Variants in EYS observed in about 807,000 individuals in gnomAD.
EYS encodes EGF-like photoreceptor maintenance factor, also known as protein eyes shut homolog.
In EYS, 250 loss-of-function variants were observed where a neutral mutation model predicts 282.1. That is an observed-to-expected ratio of 0.89 (90% CI 0.80 to 0.98). EYS has a LOEUF of 0.98. EYS is among the 50% of genes least tolerant of loss of function. EYS has a pLI of 0.00. For missense variants in EYS, 4,016 were observed against 3,709.0 expected (o/e 1.08, Z -2.15); for synonymous variants, 1,355 against 1,282.9 (o/e 1.06, Z -1.20).
intron 1 of EYS, among the ~76,000 whole-genome samples, chr6:65,692,475 G>A (rs1769279628): frequency 6.7e-6 from 1 of 150,204 alleles, no homozygotes; most frequent in South Asian, 2.1e-4. Flanking sequence ...ATATTAATTT[G>A]AGGTACTTAG....
At chr6:63,733,957 G>A (rs1403825724) in intron 41 of EYS, among the ~76,000 whole-genome samples, 7 of 151,992 alleles carry the variant, frequency 4.6e-5, no homozygotes, top group Admixed American at 4.6e-4. Flanking sequence ...AGATAGCCAA[G>A]AACAAAAACA....
At chr6:64,899,981 T>C (rs145054025) in intron 18 of EYS, among the ~76,000 whole-genome samples, 54 of 152,234 alleles carry the variant, frequency 3.5e-4, no homozygotes, top group African/African-American at 1.1e-3. Context: ...CTTCAAACTA[T>C]ACTATAAGGA....
intron 15 of EYS, among the ~76,000 whole-genome samples, chr6:64,934,428 A>G (rs1768834527): frequency 1.3e-5 from 2 of 151,976 alleles, no homozygotes; most frequent in Admixed American, 1.3e-4. Flanking sequence ...TCAAACTCAA[A>G]GTAGAATAAA....
rs527847455 is a variant in EYS at position 64,676,871 on chromosome 6, C to G, written c.3444-50626G>C. 3.9e-5 allele frequency among the ~76,000 whole-genome samples: 6 copies of G among 152,214 alleles called. No individual in the cohort carries two copies. In the East Asian group the frequency reaches 1.2e-3, roughly 29 times the overall value. ...TCTGCTCTCAAGACCTAATCATCTC[C>G]GAAAGGTCCCACCTCTTAATACCGT... On this transcript the variant is annotated intron_variant, in intron 22 of 42. Transcript: ENST00000503581.
intron 26 of EYS, among the ~76,000 whole-genome samples, chr6:64,546,930 T>G (rs554873365): frequency 6.6e-6 from 1 of 152,252 alleles, no homozygotes; most frequent in East Asian, 1.9e-4. Context: ...TGGTGCTGTG[T>G]CCAGAATTGG....
intron 31 of EYS, among the ~76,000 whole-genome samples, chr6:64,189,897 C>CA (rs1194935217): frequency 1.3e-5 from 2 of 152,098 alleles, no homozygotes; most frequent in Non-Finnish European, 2.9e-5. Flanking sequence ...TGGTCCTTTA[C>CA]AAAAAAGTTT....
Position 65,384,362 on chromosome 6 carries a change from G to A in EYS, c.1299+24C>T, listed in dbSNP as rs866973201. On this transcript the variant is annotated intron_variant, in intron 8 of 42. Coordinates refer to ENST00000503581, the MANE Select transcript of EYS (RefSeq NM_001142800.2). ...ATTGTATTTTGAAGGGCTAACTTAT[G>A]TTGCCATGTATTAAATTACTTACTT... The A allele has an allele frequency of 3.8e-6, 5 of 1,310,950 alleles. No individual in the cohort carries two copies. The Middle Eastern group carries it at 9.1e-4, about 240-fold the overall frequency. The allele number at this position is 1,310,950 out of a possible 1,614,324, so 81.2% of individuals were successfully genotyped here.
intron 31 of EYS, among the ~76,000 whole-genome samples, chr6:64,185,081 C>T (rs1214854886): frequency 6.6e-6 from 1 of 152,046 alleles, no homozygotes; most frequent in Non-Finnish European, 1.5e-5. Context: ...CAGTGAGAAG[C>T]CATCATACAT....
At chr6:65,100,868 A>G (rs1208104571) in intron 12 of EYS, among the ~76,000 whole-genome samples, 1 of 151,000 alleles carries the variant, frequency 6.6e-6, no homozygotes, top group African/African-American at 2.4e-5. Context: ...CTTGTTTTTA[A>G]TCACTCAAGG....
At chr6:64,772,902 T>A (rs1051082555) in intron 22 of EYS, among the ~76,000 whole-genome samples, 1 of 144,926 alleles carries the variant, frequency 6.9e-6, no homozygotes, top group Admixed American at 6.8e-5. Flanking sequence ...TTCCTCAAAC[T>A]TCTTCTACAT....
chr6:63,887,231 A>G (rs1319965362), intron 35 of EYS, among the ~76,000 whole-genome samples: 1 of 152,104 alleles, frequency 6.6e-6, no homozygotes, highest in Non-Finnish European at 1.5e-5. Context: ...TTGAGCATGG[A>G]ATATAATGAG....
intron 2 of EYS, among the ~76,000 whole-genome samples, chr6:65,533,389 G>A (rs1244035909): frequency 6.6e-6 from 1 of 152,044 alleles, no homozygotes; most frequent in Non-Finnish European, 1.5e-5. Context: ...ATTCACAGCA[G>A]AATTCTACCA....
chr6:65,640,077 T>C (rs960378607), intron 1 of EYS, among the ~76,000 whole-genome samples, 185 bp from the exon 2 acceptor site: 1 of 152,200 alleles, frequency 6.6e-6, no homozygotes, highest in African/African-American at 2.4e-5. Flanking sequence ...GGTAATTAAC[T>C]TTCAAAATGG....
chr6:64,298,001 T>TAAAAAAAAAAAA (rs1769097836), intron 30 of EYS, among the ~76,000 whole-genome samples: 3 of 134,036 alleles, frequency 2.2e-5, no homozygotes, highest in Admixed American at 7.4e-5. Flanking sequence ...AAAAAAAAAT[T>TAAAAAAAAAAAA]AGGTAGAAAT....
chr6:65,409,965 A>G (rs910309864), intron 5 of EYS, among the ~76,000 whole-genome samples: 1 of 152,106 alleles, frequency 6.6e-6, no homozygotes, highest in Admixed American at 6.6e-5. Context: ...ATTTATTAAT[A>G]TATAAGCATT....
At chr6:65,089,982 T>TAC (rs113762450) in intron 12 of EYS, among the ~76,000 whole-genome samples, 57,434 of 141,050 alleles carry the variant, frequency 0.41, 11,710 homozygotes, top group East Asian at 0.6. Flanking sequence ...TATAAATAAA[T>TAC]ACACACACAC....
chr6:64,980,198 G>A (rs913328127), intron 14 of EYS, among the ~76,000 whole-genome samples: 4 of 151,360 alleles, frequency 2.6e-5, no homozygotes, highest in African/African-American at 9.7e-5. Context: ...AAATTTTATT[G>A]TTATTTCAAC....
chr6:64,416,927 C>T (rs1774075159), intron 28 of EYS, among the ~76,000 whole-genome samples: 1 of 152,086 alleles, frequency 6.6e-6, no homozygotes. Flanking sequence ...TTCTGATCCT[C>T]AGTAAACCCA....
At chr6:63,887,021 G>A (rs1169680229) in intron 35 of EYS, among the ~76,000 whole-genome samples, 3 of 152,262 alleles carry the variant, frequency 2.0e-5, no homozygotes, top group South Asian at 2.1e-4. Context: ...CATTCAAAGG[G>A]CAGGTAGGTC....
Sources: allele counts gnomAD v4.1 joint callset (sites outside exome capture counted in the v4.1 genomes callset), GRCh38; gene constraint gnomAD v4.1.1; transcripts MANE v1.5; gene names NCBI Gene and HGNC (gene_info 2026-07-23, HGNC 2026-07-21).